RHEX: variants seen among roughly 807,000 people sequenced by gnomAD.
RHEX encodes the protein regulator of hemoglobinization and erythroid cell expansion, also known as regulator of hemoglobinization and erythroid cell expansion protein.
Under a neutral mutation model 20.1 loss-of-function variants are expected in RHEX, and 18 were observed. The observed-to-expected ratio is 0.90, with a 90% CI of 0.62 to 1.33. The LOEUF (loss-of-function observed/expected upper bound fraction) is 1.33, where lower values mean the gene tolerates loss of function less well. RHEX is among the 40% of genes most tolerant of loss of function. RHEX has a pLI of 0.00. For synonymous variants in RHEX, 87 were observed against 77.1 expected (o/e 1.13, Z -0.67); for missense variants, 192 against 214.3 (o/e 0.90, Z 0.65).
chr1:206,076,298 G>A (rs138851127), intron 1 of RHEX, among the ~76,000 whole-genome samples: 66 of 152,168 alleles, frequency 4.3e-4, no homozygotes, highest in African/African-American at 1.5e-3. Context: ...AGGACTACAG[G>A]CATGCACAGG....
chr1:206,087,512 ATAT>A (rs1553286528), intron 1 of RHEX, among the ~76,000 whole-genome samples: 1 of 151,966 alleles, frequency 6.6e-6, no homozygotes, highest in Non-Finnish European at 1.5e-5. Flanking sequence ...GACTTTTCAC[ATAT>A]TAATGCCTTG....
intron 1 of RHEX, among the ~76,000 whole-genome samples, chr1:206,096,352 A>G (rs1553287654): frequency 3.9e-5 from 6 of 152,268 alleles, no homozygotes; most frequent in African/African-American, 1.4e-4. Flanking sequence ...GATATTCAAT[A>G]TTAGACAATC....
intron 1 of RHEX, among the ~76,000 whole-genome samples, chr1:206,074,541 G>A (rs1272434131): frequency 2.0e-5 from 3 of 152,164 alleles, no homozygotes; most frequent in African/African-American, 4.8e-5. Flanking sequence ...GCACAGTTCC[G>A]TGGTTTTTAG....
intron 1 of RHEX, among the ~76,000 whole-genome samples, chr1:206,081,343 G>T (rs782566907): frequency 6.6e-6 from 1 of 152,212 alleles, no homozygotes; most frequent in Non-Finnish European, 1.5e-5. Context: ...TTCTGACTTT[G>T]CTATTTAAAG....
chr1:206,059,876 C>T (rs537572500), intron 1 of RHEX, among the ~76,000 whole-genome samples: 21 of 152,296 alleles, frequency 1.4e-4, no homozygotes, highest in Admixed American at 3.9e-4. Flanking sequence ...GGCTCCCACG[C>T]CTGCCACCTC....
At chr1:206,066,717 C>T (rs1553284214) in intron 1 of RHEX, among the ~76,000 whole-genome samples, 2 of 152,186 alleles carry the variant, frequency 1.3e-5, no homozygotes. Context: ...GAGATTTATG[C>T]TTAGTGAGAC....
chr1:206,065,394 C>T (rs1046788039), intron 1 of RHEX, among the ~76,000 whole-genome samples: 3 of 152,120 alleles, frequency 2.0e-5, no homozygotes, highest in South Asian at 2.1e-4. Flanking sequence ...AACAAAAGGA[C>T]TTGCATGCTT....
chr1:206,056,925 C>T lies in RHEX; in HGVS notation c.-97+3660C>T, dbSNP rs1553282675. On this transcript the variant is annotated intron_variant, in intron 1 of 5. Coordinates refer to ENST00000331555, the MANE Select transcript of RHEX (RefSeq NM_001007544.4). ...AGTTAAAAAAGATAGTGTTTGGTTC[C>T]AAAAAGGAAAAGTCAGCCTCTCCTG... 2.6e-5 allele frequency among the ~76,000 whole-genome samples: 4 copies of T among 152,210 alleles called. No individual in the cohort carries two copies. The South Asian group carries it at 6.2e-4, about 24-fold the overall frequency.
chr1:206,065,325 G>A (rs1038295763), intron 1 of RHEX, among the ~76,000 whole-genome samples: 2 of 152,098 alleles, frequency 1.3e-5, no homozygotes, highest in Admixed American at 1.3e-4. Context: ...AGACTGTAGG[G>A]GCAAGAGTGG....
chr1:206,087,126 C>A (rs1211150991), intron 1 of RHEX, among the ~76,000 whole-genome samples: 1 of 152,130 alleles, frequency 6.6e-6, no homozygotes, highest in Non-Finnish European at 1.5e-5. Flanking sequence ...TAAACACAAT[C>A]TATTTGGCCA....
At chr1:206,071,546 C>CAAA (rs35408708) in intron 1 of RHEX, among the ~76,000 whole-genome samples, 1 of 95,892 alleles carries the variant, frequency 1.0e-5, no homozygotes, top group African/African-American at 3.4e-5. Flanking sequence ...GTTGAAAATG[C>CAAA]AAAAAAAAAA....
At chr1:206,075,682 C>T (rs1662622859) in intron 1 of RHEX, among the ~76,000 whole-genome samples, 1 of 151,700 alleles carries the variant, frequency 6.6e-6, no homozygotes, top group African/African-American at 2.4e-5. Flanking sequence ...TTCACTGCCA[C>T]CTCCACCTCC....
chr1:206,095,216 A>G, intron 1 of RHEX, among the ~76,000 whole-genome samples: 1 of 152,316 alleles, frequency 6.6e-6, no homozygotes, highest in East Asian at 1.9e-4. Flanking sequence ...GGGATTAGTC[A>G]GGAAGTGAAC....
In RHEX at chr1:206,099,833, G is replaced by A. The variant is rs782804905; in HGVS notation, c.256+35G>A. On this transcript the variant is annotated intron_variant, in intron 4 of 5. Transcript: ENST00000331555. ...GGGTTGGAGGGAGAACTTGTCTAGG[G>A]ACTAACTTTGCTCTCTCTGGACACC... 9 of 1,605,826 alleles carry A rather than the reference G, an allele frequency of 5.6e-6. No homozygotes were observed. In the Admixed American group the frequency reaches 1.5e-4, roughly 27 times the overall value.
intron 1 of RHEX, among the ~76,000 whole-genome samples, chr1:206,069,427 G>A (rs547240332): frequency 1.6e-4 from 25 of 152,322 alleles, no homozygotes; most frequent in Non-Finnish European, 2.9e-4. Flanking sequence ...ACACTGCCCA[G>A]TCCCTCCCTC....
rs539871272 is a variant in RHEX at position 206,058,224 on chromosome 1, A to T, written c.-97+4959A>T. On this transcript the variant is annotated intron_variant, in intron 1 of 5. Coordinates refer to ENST00000331555, the MANE Select transcript of RHEX (RefSeq NM_001007544.4). The stretch of plus-strand genomic sequence containing the variant: ...TTATAATAAGAGTAATAATAGTAAT[A>T]GGAACCTGCTTACTGCTCCCTTGTC... Among the ~76,000 whole-genome samples the T allele has an allele frequency of 3.9e-5, 6 of 152,394 alleles. No individual in the cohort carries two copies. In the South Asian group the frequency reaches 1.0e-3, roughly 26 times the overall value.
At chr1:206,085,710 C>T (rs1662825012) in intron 1 of RHEX, among the ~76,000 whole-genome samples, 1 of 152,104 alleles carries the variant, frequency 6.6e-6, no homozygotes, top group Non-Finnish European at 1.5e-5. Flanking sequence ...TGCTCTTTCT[C>T]ACTTTTGAAT....
At chr1:206,055,210 A>G (rs561090857) in intron 1 of RHEX, among the ~76,000 whole-genome samples, 1 of 152,392 alleles carries the variant, frequency 6.6e-6, no homozygotes, top group South Asian at 2.1e-4. Context: ...AGGGCCGTCC[A>G]GCTTCCGTCT....
chr1:206,089,213 A>T (rs1662898447), intron 1 of RHEX, among the ~76,000 whole-genome samples: 3 of 151,876 alleles, frequency 2.0e-5, no homozygotes, highest in Non-Finnish European at 4.4e-5. Flanking sequence ...AATGGGTTAA[A>T]ACATTTTTTG....
Sources: allele counts gnomAD v4.1 joint callset (sites outside exome capture counted in the v4.1 genomes callset), GRCh38; gene constraint gnomAD v4.1.1; transcripts MANE v1.5; gene names NCBI Gene and HGNC (gene_info 2026-07-23, HGNC 2026-07-21).